Variants in REEP5 observed in about 807,000 individuals in gnomAD.
The protein encoded by REEP5 is receptor expression-enhancing protein 5.
In REEP5, 24 loss-of-function variants were observed where a neutral mutation model predicts 22.4. The ratio of observed to expected loss-of-function variants is 1.07; its 90% confidence interval spans 0.78 to 1.51. REEP5 has a LOEUF of 1.51. REEP5 is among the 40% of genes most tolerant of loss of function. REEP5 has a pLI of 0.00. For missense variants in REEP5, 252 were observed against 233.0 expected (o/e 1.08, Z -0.53); for synonymous variants, 103 against 88.6 (o/e 1.16, Z -0.92).
intron 3 of REEP5, chr5:112,892,583 C>T (rs1449511466): frequency 2.5e-6 from 4 of 1,614,058 alleles, no homozygotes; most frequent in Admixed American, 1.7e-5. Context: ...TGGAAAATGG[C>T]GATTTGTGGT....
intron 1 of REEP5, 68 bp from the exon 2 acceptor site, chr5:112,921,324 C>T (rs1056699887): frequency 1.4e-6 from 2 of 1,464,508 alleles, no homozygotes; most frequent in African/African-American, 2.8e-5. Flanking sequence ...AGCCGCCGCC[C>T]ACACCGCGAG....
At chr5:112,921,987 A>C (rs1295859413) in intron 1 of REEP5, 86 bp downstream of exon 1, 7 of 1,465,890 alleles carry the variant, frequency 4.8e-6, no homozygotes, top group Non-Finnish European at 6.4e-6. Context: ...ACCTTTCCCG[A>C]GTCCTCTCCC....
chr5:112,914,654 A>T (rs1490153849), intron 2 of REEP5, among the ~76,000 whole-genome samples: 1 of 152,226 alleles, frequency 6.6e-6, no homozygotes, highest in Non-Finnish European at 1.5e-5. Flanking sequence ...GTTTAACTTA[A>T]TCTCAAGTAA....
chr5:112,908,864 AT>A lies in REEP5; in HGVS notation c.213-6347del, dbSNP rs397974052. Among the ~76,000 whole-genome samples, 455 of 142,190 alleles carry A rather than the reference AT, an allele frequency of 3.2e-3. 1 individual carries two copies. The highest frequency in any genetic ancestry group is 0.018 in the Middle Eastern group (5 of 276). The allele number at this position is 142,190 out of a possible 152,430, so 93.3% of individuals were successfully genotyped here. A position where few individuals can be genotyped will look rare whatever the true frequency, so the allele number is the denominator to read the frequency against. Reference sequence around the variant, plus strand: ...GCCACCATGCCCAGCCCAGCTAATGATTTTTTTTTTTTTTTTACAAATTTCT... The same window carrying A: ...GCCACCATGCCCAGCCCAGCTAATGATTTTTTTTTTTTTTTACAAATTTCT... On this transcript the variant is annotated intron_variant, in intron 2 of 4. Coordinates refer to ENST00000379638, the MANE Select transcript of REEP5 (RefSeq NM_005669.5).
At chr5:112,891,549 G>C (rs1768448277) in intron 3 of REEP5, 10 of 1,511,402 alleles carry the variant, frequency 6.6e-6, no homozygotes, top group African/African-American at 1.4e-5. Flanking sequence ...ATATTCATAA[G>C]TAGAATCACT....
In REEP5 at chr5:112,917,558, A is replaced by G. The variant is rs1442308382; in HGVS notation, c.212+3605T>C. The stretch of plus-strand genomic sequence containing the variant: ...CTTCCCCTTTCCTTAAATAGAAGAT[A>G]AAGTCTGAGTTTGCCTCACAATTCC... On this transcript the variant is annotated intron_variant, in intron 2 of 4. Coordinates refer to ENST00000379638, the MANE Select transcript of REEP5 (RefSeq NM_005669.5). 2.6e-5 allele frequency among the ~76,000 whole-genome samples: 4 copies of G among 152,322 alleles called. No individual in the cohort carries two copies. The East Asian group carries it at 7.7e-4, about 29-fold the overall frequency.
chr5:112,887,322 G>C (rs746695222), intron 3 of REEP5, 139 bp from the exon 4 acceptor site: 2 of 752,740 alleles, frequency 2.7e-6, no homozygotes, highest in Non-Finnish European at 3.8e-6. Flanking sequence ...GTTTTCTGCA[G>C]GTTAAAGGTG....
At chr5:112,908,095 TTTTTTG>T (rs1048634280) in intron 2 of REEP5, among the ~76,000 whole-genome samples, 2 of 86,608 alleles carry the variant, frequency 2.3e-5, no homozygotes, top group African/African-American at 7.5e-5. Flanking sequence ...ACTTTCTTTG[TTTTTTG>T]TTTTTTTTTT....
At chr5:112,899,979 G>T (rs1768805428) in intron 3 of REEP5, among the ~76,000 whole-genome samples, 1 of 152,170 alleles carries the variant, frequency 6.6e-6, no homozygotes, top group Non-Finnish European at 1.5e-5. Context: ...TCCAATTTCA[G>T]ATGTTCAGCC....
chr5:112,888,075 C>CA (rs1427853740), intron 3 of REEP5, among the ~76,000 whole-genome samples: 5 of 152,106 alleles, frequency 3.3e-5, no homozygotes, highest in East Asian at 1.9e-4. Flanking sequence ...GGTGACTCTA[C>CA]AAAAAAACAG....
chr5:112,911,245 G>A (rs1455316687), intron 2 of REEP5, among the ~76,000 whole-genome samples: 5 of 152,160 alleles, frequency 3.3e-5, no homozygotes, highest in South Asian at 2.1e-4. Context: ...CTGCTGTAGC[G>A]CCTTGAAATT....
At chr5:112,917,959 T>C (rs991859186) in intron 2 of REEP5, among the ~76,000 whole-genome samples, 2 of 152,186 alleles carry the variant, frequency 1.3e-5, no homozygotes, top group Non-Finnish European at 2.9e-5. Context: ...GCCACTGAAC[T>C]GCATACTTTA....
chr5:112,916,251 T>C (rs983969136), intron 2 of REEP5, among the ~76,000 whole-genome samples: 11 of 152,362 alleles, frequency 7.2e-5, no homozygotes, highest in East Asian at 5.8e-4. Flanking sequence ...GATATTTTCA[T>C]TGTTTTTTTT....
At chr5:112,905,445 G>C (rs1381998543) in intron 2 of REEP5, among the ~76,000 whole-genome samples, 1 of 151,712 alleles carries the variant, frequency 6.6e-6, no homozygotes, top group African/African-American at 2.4e-5. Flanking sequence ...GGAGGCTGAG[G>C]CAGGAGACTC....
chr5:112,878,733 C>A lies in REEP5; in HGVS notation c.*53G>T. On this transcript the variant is annotated 3_prime_UTR_variant, in exon 5 of 5. Transcript: ENST00000379638. Reference sequence around the variant, plus strand: ...TATACCACAGTCCCTAATATAACATCAAGCTCCAGTAGGAAGGTACAGAGA... The same window carrying A: ...TATACCACAGTCCCTAATATAACATAAAGCTCCAGTAGGAAGGTACAGAGA... The A allele has an allele frequency of 1.2e-6, 2 of 1,605,798 alleles. No individual in the cohort carries two copies. Among genetic ancestry groups the A allele is most frequent in the South Asian group, 1.1e-5 (1 of 89,168 alleles).
intron 3 of REEP5, chr5:112,892,538 G>A (rs767175429): frequency 5.0e-6 from 8 of 1,614,206 alleles, no homozygotes; most frequent in Middle Eastern, 3.3e-4. Flanking sequence ...TATGCAGGAC[G>A]ACAGCTGCAA....
At chr5:112,884,777 TG>T (rs200105650) in intron 4 of REEP5, among the ~76,000 whole-genome samples, 1,801 of 112,128 alleles carry the variant, frequency 0.016, 11 homozygotes, top group Middle Eastern at 0.044. Context: ...CTCCAGTCCT[TG>T]GCCCCCCCCC....
chr5:112,904,992 GC>G (rs1430755077), intron 2 of REEP5, among the ~76,000 whole-genome samples: 7 of 151,962 alleles, frequency 4.6e-5, no homozygotes, highest in African/African-American at 1.7e-4. Flanking sequence ...TATGAAAGAA[GC>G]CAGGAAAAGG....
chr5:112,922,030 G>T, intron 1 of REEP5, 43 bp downstream of exon 1: 1 of 1,558,664 alleles, frequency 6.4e-7, no homozygotes. Flanking sequence ...GGCAGCGGCG[G>T]CTCCCGTGGC....
Sources: gnomAD v4.1 joint callset for allele counts (sites outside exome capture counted in the v4.1 genomes callset) on GRCh38, gnomAD v4.1.1 for gene constraint, MANE v1.5 for transcripts, NCBI Gene and HGNC (gene_info 2026-07-23, HGNC 2026-07-21) for gene names.